CSMD1: variants seen among roughly 807,000 people sequenced by gnomAD.
CSMD1 encodes the protein CUB and Sushi multiple domains 1.
CSMD1 carries 213 observed loss-of-function variants against 417.5 expected under a neutral mutation model. The ratio of observed to expected loss-of-function variants is 0.51; its 90% confidence interval spans 0.46 to 0.57. CSMD1 has a LOEUF of 0.57. Among genes scored for constraint, CSMD1 ranks in the 20% least tolerant of loss-of-function variants. The pLI is 0.00. For synonymous variants in CSMD1, 2,862 were observed against 1,736.8 expected (o/e 1.65, Z -16.11); for missense variants, 6,923 against 4,529.7 (o/e 1.53, Z -15.17).
intron 33 of CSMD1, among the ~76,000 whole-genome samples, chr8:3,194,528 G>A (rs1787120739): frequency 6.6e-6 from 1 of 151,040 alleles, no homozygotes; most frequent in South Asian, 2.1e-4. Context: ...TGTGATCTAG[G>A]CTCACTACAA....
chr8:3,607,409 A>G (rs553114872), intron 8 of CSMD1, among the ~76,000 whole-genome samples: 1 of 152,334 alleles, frequency 6.6e-6, no homozygotes, highest in East Asian at 1.9e-4. Context: ...ATACTCTAAA[A>G]TAACAGTAGA....
At chr8:3,192,900 G>A (rs150627075) in intron 33 of CSMD1, among the ~76,000 whole-genome samples, 3 of 151,368 alleles carry the variant, frequency 2.0e-5, no homozygotes, top group African/African-American at 7.3e-5. Context: ...ATGTTTGCAT[G>A]CTTGAGTATT....
chr8:4,959,260 T>A (rs1484807656), intron 1 of CSMD1, among the ~76,000 whole-genome samples: 1 of 152,192 alleles, frequency 6.6e-6, no homozygotes, highest in Non-Finnish European at 1.5e-5. Context: ...TGGGGTCATA[T>A]GTTTTGGAAA....
At chr8:4,075,528 C>G (rs977567189) in intron 3 of CSMD1, among the ~76,000 whole-genome samples, 3 of 152,106 alleles carry the variant, frequency 2.0e-5, no homozygotes, top group African/African-American at 7.2e-5. Context: ...CTAAAAATGT[C>G]AGATATCCCC....
chr8:3,523,651 G>A (rs536845368), intron 10 of CSMD1, among the ~76,000 whole-genome samples: 37 of 144,778 alleles, frequency 2.6e-4, no homozygotes, highest in Middle Eastern at 4.0e-3. Context: ...GCACACACAG[G>A]CACAGTTACA....
chr8:3,431,504 C>T (rs547660509), intron 12 of CSMD1, among the ~76,000 whole-genome samples: 11 of 152,118 alleles, frequency 7.2e-5, no homozygotes, highest in African/African-American at 2.7e-4. Flanking sequence ...CTGACCCATC[C>T]CATCCCCATG....
intron 2 of CSMD1, among the ~76,000 whole-genome samples, chr8:4,514,583 T>C (rs771764144): frequency 2.5e-4 from 38 of 152,224 alleles, no homozygotes; most frequent in Non-Finnish European, 3.8e-4. Context: ...CTGAGACCGC[T>C]TGACCTAATC....
intron 1 of CSMD1, among the ~76,000 whole-genome samples, chr8:4,867,198 G>A (rs1802467469): frequency 6.6e-6 from 1 of 152,054 alleles, no homozygotes; most frequent in South Asian, 2.1e-4. Flanking sequence ...ATGGTGCATC[G>A]TTCCAATCAT....
intron 1 of CSMD1, among the ~76,000 whole-genome samples, chr8:4,828,332 A>T (rs1742877277): frequency 6.6e-6 from 1 of 152,184 alleles, no homozygotes; most frequent in Admixed American, 6.5e-5. Context: ...TAGCCACAAG[A>T]AAATAAGGTA....
chr8:4,170,411 T>C (rs1416542168), intron 3 of CSMD1, among the ~76,000 whole-genome samples: 2 of 151,944 alleles, frequency 1.3e-5, no homozygotes, highest in Non-Finnish European at 2.9e-5. Context: ...AGCATATGCA[T>C]GTATACCTTG....
At chr8:3,480,797 C>G (rs1052757841) in intron 11 of CSMD1, among the ~76,000 whole-genome samples, 16 of 152,072 alleles carry the variant, frequency 1.1e-4, no homozygotes, top group African/African-American at 3.9e-4. Context: ...TTCAGTGAAT[C>G]TATCCTTCAG....
At chr8:3,180,428 A>G (rs555786768) in intron 37 of CSMD1, among the ~76,000 whole-genome samples, 1 of 152,334 alleles carries the variant, frequency 6.6e-6, no homozygotes, top group Non-Finnish European at 1.5e-5. Context: ...ACCATAATCT[A>G]GGCAGAAGTC....
chr8:4,508,160 A>T (rs1245354464), intron 2 of CSMD1, among the ~76,000 whole-genome samples: 25 of 110,422 alleles, frequency 2.3e-4, no homozygotes, highest in African/African-American at 6.7e-4. Flanking sequence ...AAGAGGTAAT[A>T]TTTTTTTTTT....
Position 4,864,744 on chromosome 8 carries a change from T to C in CSMD1, c.85+129588A>G, listed in dbSNP as rs575855967. ...TAAAAAATTCGAAGTATATTTTCCA[T>C]ATGAGTCATAACAATTTGATTATTT... On this transcript the variant is annotated intron_variant, in intron 1 of 69. Coordinates refer to ENST00000635120, the MANE Select transcript of CSMD1 (RefSeq NM_033225.6). Among the ~76,000 whole-genome samples the C allele has an allele frequency of 5.9e-5, 9 of 151,906 alleles. No homozygotes were observed. In the South Asian group the frequency reaches 1.2e-3, roughly 21 times the overall value.
At chr8:4,199,628 C>A (rs1213067731) in intron 3 of CSMD1, among the ~76,000 whole-genome samples, 1 of 152,134 alleles carries the variant, frequency 6.6e-6, no homozygotes. Context: ...TTTTGCTTTG[C>A]ATAAATAAAG....
chr8:3,060,888 C>T (rs1230709502), intron 49 of CSMD1, among the ~76,000 whole-genome samples: 1 of 152,158 alleles, frequency 6.6e-6, no homozygotes, highest in Non-Finnish European at 1.5e-5. Flanking sequence ...GATGACACGG[C>T]ATTCCTCTCT....
intron 26 of CSMD1, among the ~76,000 whole-genome samples, chr8:3,247,329 C>G (rs529737661): frequency 6.6e-6 from 1 of 152,306 alleles, no homozygotes; most frequent in South Asian, 2.1e-4. Context: ...GCAGACTCCT[C>G]CTGCTCCTGG....
chr8:2,980,462 TTCCTTCTCTTTCTCCTCC>T (rs1274905526), intron 54 of CSMD1, among the ~76,000 whole-genome samples: 15 of 151,998 alleles, frequency 9.9e-5, no homozygotes, highest in African/African-American at 2.7e-4. Flanking sequence ...CATCCCTCTC[TTCCTTCTCTTTCTCCTCC>T]TCCTTCTCTT....
intron 2 of CSMD1, among the ~76,000 whole-genome samples, chr8:4,576,763 A>G (rs1017924115): frequency 2.0e-5 from 3 of 152,198 alleles, no homozygotes; most frequent in African/African-American, 7.2e-5. Flanking sequence ...ATCAATATGT[A>G]TGCTAATTCA....
Sources: allele counts gnomAD v4.1 joint callset (sites outside exome capture counted in the v4.1 genomes callset), GRCh38; gene constraint gnomAD v4.1.1; transcripts MANE v1.5; gene names NCBI Gene and HGNC (gene_info 2026-07-23, HGNC 2026-07-21).